HELZ: variants seen among roughly 807,000 people sequenced by gnomAD.
The protein encoded by HELZ is ATP-dependent RNA helicase with zinc finger domain.
A neutral mutation model predicts 218.2 loss-of-function variants in HELZ; 23 were observed. The observed-to-expected ratio is 0.11, with a 90% CI of 0.08 to 0.15. HELZ has a LOEUF of 0.15. Ranked by LOEUF, HELZ falls within the 10% of genes least tolerant of loss-of-function variation. HELZ has a pLI of 1.00. For synonymous variants in HELZ, 814 were observed against 829.4 expected (o/e 0.98, Z 0.32); for missense variants, 1,813 against 2,353.7 (o/e 0.77, Z 4.75).
At chr17:67,104,035 C>T (rs1024075915) in intron 31 of HELZ, among the ~76,000 whole-genome samples, 25 of 152,216 alleles carry the variant, frequency 1.6e-4, no homozygotes, top group African/African-American at 5.8e-4. Flanking sequence ...AACTGTATGG[C>T]CACATGCAAA....
intron 3 of HELZ, among the ~76,000 whole-genome samples, chr17:67,230,401 T>C (rs973876249): frequency 4.7e-4 from 72 of 152,044 alleles, no homozygotes; most frequent in Admixed American, 2.7e-3. Context: ...ATGGAGACCA[T>C]CCTGGCCAAC....
intron 5 of HELZ, among the ~76,000 whole-genome samples, chr17:67,215,127 G>C (rs2040562008): frequency 6.6e-6 from 1 of 151,840 alleles, no homozygotes; most frequent in Non-Finnish European, 1.5e-5. Context: ...CCAGGAGACA[G>C]AGCAAGACTC....
intron 3 of HELZ, chr17:67,224,871 T>C: frequency 1.2e-6 from 1 of 829,550 alleles, no homozygotes; most frequent in Non-Finnish European, 2.1e-6. Context: ...GTGGCTATGG[T>C]GGGCAAACTA....
At chr17:67,110,396 A>G (rs2037244986) in intron 28 of HELZ, among the ~76,000 whole-genome samples, 2 of 152,146 alleles carry the variant, frequency 1.3e-5, no homozygotes, top group African/African-American at 2.4e-5. Flanking sequence ...TATATCTAAT[A>G]TATTTCCTCA....
chr17:67,099,444 T>C (rs1390080316), intron 31 of HELZ, among the ~76,000 whole-genome samples: 1 of 152,236 alleles, frequency 6.6e-6, no homozygotes, highest in African/African-American at 2.4e-5. Flanking sequence ...TTTATAAATA[T>C]GCTTCATGTT....
intron 24 of HELZ, among the ~76,000 whole-genome samples, chr17:67,125,029 GA>G (rs34489855): frequency 1.7e-3 from 250 of 149,250 alleles, no homozygotes; most frequent in African/African-American, 5.9e-3. Flanking sequence ...TCTACAGCAG[GA>G]AAAAAAAATC....
chr17:67,175,973 T>C (rs1318694540), intron 13 of HELZ, among the ~76,000 whole-genome samples: 1 of 152,184 alleles, frequency 6.6e-6, no homozygotes, highest in Non-Finnish European at 1.5e-5. Context: ...CACTCTACAC[T>C]ATCTTACCAC....
In HELZ at chr17:67,195,799, T is replaced by A. The variant is rs2040007330; in HGVS notation, c.430-329A>T. The stretch of plus-strand genomic sequence containing the variant: ...TTTATTCACTTTACTCTCCTCTTCA[T>A]AACACCTAGAAAATGTCTGATTACA... On this transcript the variant is annotated intron_variant, in intron 7 of 32. Coordinates refer to ENST00000358691, the MANE Select transcript of HELZ (RefSeq NM_014877.4). Among the ~76,000 whole-genome samples the A allele has an allele frequency of 2.7e-5, 4 of 148,590 alleles. No individual in the cohort carries two copies. The South Asian group carries it at 8.7e-4, about 32-fold the overall frequency.
intron 9 of HELZ, among the ~76,000 whole-genome samples, chr17:67,192,850 A>G (rs1046969064): frequency 6.6e-6 from 1 of 152,242 alleles, no homozygotes; most frequent in Non-Finnish European, 1.5e-5. Flanking sequence ...TTCCTTCCAC[A>G]TTAATAAATA....
rs911856546 is a variant in HELZ at position 67,102,728 on chromosome 17, A to G, written c.5241+4441T>C. On this transcript the variant is annotated intron_variant, in intron 31 of 32. Transcript: ENST00000358691. ...TACACTGAAAATGTGAAAATCTGCA[A>G]TGTGCTAAAAAAATATTATCTTTGT... Among the ~76,000 whole-genome samples the G allele has an allele frequency of 2.4e-4, 37 of 152,356 alleles. 1 individual carries two copies. Among genetic ancestry groups the G allele is most frequent in the Non-Finnish European group, 1.5e-4 (10 of 68,026 alleles).
Position 67,107,575 on chromosome 17 carries a change from C to G in HELZ, c.4835G>C (p.Ser1612Thr). ...SRLLQYRQVQ[S>T]RSPPAVPSPP... is the part of the protein sequence containing the mutation. Reference sequence around the variant, plus strand: ...AGATGGGACTGCTGGTGGGCTTCTACTCTGTACTTGTCTATATTGCAAAAG... The same window carrying G: ...AGATGGGACTGCTGGTGGGCTTCTAGTCTGTACTTGTCTATATTGCAAAAG... The change falls in exon 31 of 33, where the codon AGT becomes ACT. Residue 1612 changes from serine (S) to threonine (T), a missense_variant. Ser to Thr is a moderately conservative substitution (Grantham distance 58). Around this residue, in one of 4 missense-constraint regions of HELZ, gnomAD observed 938 missense variants for 1,027.5 expected, o/e 0.91. Transcript: ENST00000358691. The G allele has an allele frequency of 6.2e-7, 1 of 1,614,104 alleles. No individual in the cohort carries two copies. The highest frequency in any genetic ancestry group is 1.1e-5 in the South Asian group (1 of 91,082).
At chr17:67,101,469 A>G (rs2036929376) in intron 31 of HELZ, among the ~76,000 whole-genome samples, 1 of 152,232 alleles carries the variant, frequency 6.6e-6, no homozygotes, top group African/African-American at 2.4e-5. Flanking sequence ...GTATAATTCT[A>G]GCACAGAAAC....
intron 15 of HELZ, among the ~76,000 whole-genome samples, chr17:67,165,594 G>A (rs569533526): frequency 6.6e-6 from 1 of 152,320 alleles, no homozygotes; most frequent in South Asian, 2.1e-4. Context: ...AGTTGAGCAT[G>A]GGCAGGTGCT....
intron 3 of HELZ, chr17:67,225,326 A>G: frequency 5.7e-6 from 1 of 176,698 alleles, no homozygotes; most frequent in Non-Finnish European, 1.2e-5. Context: ...ATCCAGTTAC[A>G]CTGTAAACGA....
At chr17:67,147,372 T>C (rs1203159299) in intron 20 of HELZ, among the ~76,000 whole-genome samples, 7 of 152,190 alleles carry the variant, frequency 4.6e-5, no homozygotes, top group Non-Finnish European at 7.4e-5. Flanking sequence ...CAGTCTTTTG[T>C]TATAATTTGG....
chr17:67,239,098 C>T (rs984727329), intron 3 of HELZ, among the ~76,000 whole-genome samples: 14 of 152,172 alleles, frequency 9.2e-5, no homozygotes, highest in African/African-American at 3.4e-4. Flanking sequence ...AAGTAATCGC[C>T]ACTCAAGAAT....
chr17:67,224,067 G>GA (rs570006578), intron 3 of HELZ, among the ~76,000 whole-genome samples: 47 of 152,276 alleles, frequency 3.1e-4, no homozygotes, highest in African/African-American at 1.1e-3. Flanking sequence ...TGTGGTTCCT[G>GA]AAGAGCTAAC....
intron 8 of HELZ, among the ~76,000 whole-genome samples, 179 bp from the exon 9 acceptor site, chr17:67,194,221 A>T (rs1048073560): frequency 6.6e-6 from 1 of 152,210 alleles, no homozygotes; most frequent in African/African-American, 2.4e-5. Flanking sequence ...AAAACATAGG[A>T]ATCACTGAAG....
intron 2 of HELZ, among the ~76,000 whole-genome samples, chr17:67,243,365 C>T (rs544146785): frequency 3.2e-4 from 49 of 152,258 alleles, no homozygotes; most frequent in African/African-American, 9.9e-4. Context: ...CTTTACGAGT[C>T]CCACAAACCA....
Sources: allele counts gnomAD v4.1 joint callset (sites outside exome capture counted in the v4.1 genomes callset), GRCh38; gene constraint gnomAD v4.1.1; regional missense constraint gnomAD v4.1.1; transcripts MANE v1.5; gene names NCBI Gene and HGNC (gene_info 2026-07-23, HGNC 2026-07-21).